The following DMXL1 variants were observed in gnomAD, a reference collection of about 807,000 sequenced individuals.
The protein encoded by DMXL1 is Dmx like 1, also known as dmX-like protein 1.
DMXL1 carries 99 observed loss-of-function variants against 319.2 expected under a neutral mutation model. The ratio of observed to expected loss-of-function variants is 0.31; its 90% CI spans 0.26 to 0.37. The LOEUF (loss-of-function observed/expected upper bound fraction) is 0.37, where lower values mean the gene tolerates loss of function less well. Among genes scored for constraint, DMXL1 ranks in the 10% least tolerant of loss-of-function variants. DMXL1 has a pLI of 1.00. For missense variants in DMXL1, 3,745 were observed against 3,595.6 expected (o/e 1.04, Z -1.06); for synonymous variants, 1,385 against 1,235.2 (o/e 1.12, Z -2.54).
intron 26 of DMXL1, among the ~76,000 whole-genome samples, chr5:119,176,300 C>A (rs542710454): frequency 3.9e-4 from 60 of 151,942 alleles, no homozygotes; most frequent in African/African-American, 1.4e-3. Context: ...TTTGTTATTT[C>A]TTACATGGTG....
intron 19 of DMXL1, among the ~76,000 whole-genome samples, chr5:119,153,133 C>T (rs901261023): frequency 1.1e-4 from 16 of 152,018 alleles, no homozygotes; most frequent in African/African-American, 3.1e-4. Context: ...CACACCACCA[C>T]GCCTGGCTAA....
intron 34 of DMXL1, among the ~76,000 whole-genome samples, chr5:119,215,065 G>A (rs904000349): frequency 3.3e-5 from 5 of 152,170 alleles, no homozygotes; most frequent in East Asian, 3.8e-4. Context: ...CATCATTAAC[G>A]GATGATCGGC....
chr5:119,235,164 A>G (rs1000035757), intron 39 of DMXL1, among the ~76,000 whole-genome samples: 1 of 152,200 alleles, frequency 6.6e-6, no homozygotes, highest in African/African-American at 2.4e-5. Context: ...TGGATATTCA[A>G]TTATGAATAG....
At chr5:119,148,635 T>A in intron 17 of DMXL1, 104 bp from the exon 18 acceptor site, 1 of 1,119,222 alleles carries the variant, frequency 8.9e-7, no homozygotes, top group Non-Finnish European at 1.3e-6. Flanking sequence ...TTGATTTTGT[T>A]CATATTTATA....
intron 4 of DMXL1, among the ~76,000 whole-genome samples, chr5:119,108,084 G>A (rs556016384): frequency 2.0e-5 from 3 of 152,206 alleles, no homozygotes; most frequent in Non-Finnish European, 4.4e-5. Flanking sequence ...AAACGAGGGC[G>A]AAGCATGCTG....
intron 34 of DMXL1, among the ~76,000 whole-genome samples, chr5:119,214,147 G>A (rs1445410914): frequency 1.3e-5 from 2 of 151,974 alleles, no homozygotes; most frequent in African/African-American, 4.8e-5. Context: ...TGCCTGCTCC[G>A]AACCTACTCC....
At position 119,129,228 on chromosome 5, in the gene DMXL1, T is replaced by C; in HGVS notation, c.1120T>C (p.Ser374Pro). 1 of 1,609,840 alleles carries C rather than the reference T, an allele frequency of 6.2e-7. No individual in the cohort carries two copies. Among genetic ancestry groups the C allele is most frequent in the Non-Finnish European group, 8.5e-7 (1 of 1,177,746 alleles). ...NPATDIPLLP[S>P]ITSLSLNENE... Reference sequence around the variant, plus strand: ...TCTTATAGACATTCCACTTCTTCCATCTATTACATCTCTGAGTCTAAATGA... The same window carrying C: ...TCTTATAGACATTCCACTTCTTCCACCTATTACATCTCTGAGTCTAAATGA... The change falls in exon 10 of 44, where the codon TCT (serine) becomes CCT (proline). Residue 374 changes from serine (S) to proline (P), a missense_variant. Ser to Pro is a moderately conservative substitution (Grantham distance 74). Coordinates refer to ENST00000539542, the MANE Select transcript of DMXL1 (RefSeq NM_001290321.3).
intron 1 of DMXL1, among the ~76,000 whole-genome samples, chr5:119,071,993 A>G (rs1749703846): frequency 6.6e-6 from 1 of 152,114 alleles, no homozygotes; most frequent in Non-Finnish European, 1.5e-5. Context: ...ACCATTCTAT[A>G]GGTTCAAATT....
At chr5:119,226,060 A>G (rs767351932) in intron 38 of DMXL1, among the ~76,000 whole-genome samples, 2 of 152,128 alleles carry the variant, frequency 1.3e-5, no homozygotes, top group African/African-American at 4.8e-5. Flanking sequence ...TGGCAGGTGT[A>G]AATATCCTAT....
Position 119,103,922 on chromosome 5 carries a change from CT to C in DMXL1, c.286-1257del, listed in dbSNP as rs200286060. ...TAATTGATGAATGTAATGTATAAAACTCAAAAAGAGGCTGGTTTATTGGCTT... is the reference window on the plus strand; with the variant it reads ...TAATTGATGAATGTAATGTATAAAACCAAAAAGAGGCTGGTTTATTGGCTT... On this transcript the variant is annotated intron_variant, in intron 3 of 43. Coordinates refer to ENST00000539542, the MANE Select transcript of DMXL1 (RefSeq NM_001290321.3). Among the ~76,000 whole-genome samples the C allele has an allele frequency of 5.7e-3, 862 of 152,148 alleles. 8 individuals are homozygous for C. The highest frequency in any genetic ancestry group is 0.02 in the African/African-American group (819 of 41,516).
In DMXL1 at chr5:119,155,002, T is replaced by G. The variant is rs147233811; in HGVS notation, c.4702+2966T>G. Among the ~76,000 whole-genome samples, 692 of 152,378 alleles carry G rather than the reference T, an allele frequency of 4.5e-3. 1 individual carries two copies. Among genetic ancestry groups the G allele is most frequent in the Non-Finnish European group, 7.5e-3 (510 of 68,032 alleles). On this transcript the variant is annotated intron_variant, in intron 19 of 43. Transcript: ENST00000539542. ...TAGCAAAGCCCAATGGCAGCACCTCTGTTTATAGCATAATTTACTGAATAT... is the reference window on the plus strand; with the variant it reads ...TAGCAAAGCCCAATGGCAGCACCTCGGTTTATAGCATAATTTACTGAATAT...
At position 119,071,264 on chromosome 5, in the gene DMXL1, C is replaced by T. The variant is rs1356208938; in HGVS notation, c.-306C>T. 5.3e-6 allele frequency: 2 copies of T among 374,220 alleles called. No homozygotes were observed. The highest frequency in any genetic ancestry group is 7.1e-5 in the East Asian group (1 of 14,018). 23.2% of individuals were successfully genotyped at this position (374,220 alleles called of 1,614,324 possible). On this transcript the variant is annotated 5_prime_UTR_variant, in exon 1 of 44. Coordinates refer to ENST00000539542, the MANE Select transcript of DMXL1 (RefSeq NM_001290321.3). ...AGCGCGGCCTTCCTGGCCGGTGAGT[C>T]GGCCCCGGGTCGTGGCCGGTGAGGG... is the stretch of plus-strand genomic sequence containing the variant.
Position 119,148,882 on chromosome 5 carries a change from C to G in DMXL1, c.3055C>G (p.Leu1019Val), listed in dbSNP as rs1424484321. The change falls in exon 18 of 44, where the codon CTT becomes GTT. Residue 1019 changes from leucine (L) to valine (V), a missense_variant. Transcript: ENST00000539542. ...CACGTCAAAGAATGGAAAAATTGAT[C>G]TTGCATACATTTGGGAAGAATGGCC... is the stretch of plus-strand genomic sequence containing the variant. ...SATSKNGKID[L>V]AYIWEEWPLL... The G allele has an allele frequency of 1.9e-6, 3 of 1,613,694 alleles. No individual in the cohort carries two copies. In the African/African-American group the frequency reaches 4.0e-5, roughly 22 times the overall value.
intron 2 of DMXL1, among the ~76,000 whole-genome samples, chr5:119,099,612 A>G (rs1217825336): frequency 6.6e-6 from 1 of 152,142 alleles, no homozygotes; most frequent in Non-Finnish European, 1.5e-5. Flanking sequence ...TACCATCTGG[A>G]CTCACATGGA....
intron 37 of DMXL1, among the ~76,000 whole-genome samples, chr5:119,223,058 T>TG (rs200463886): frequency 0.033 from 1,051 of 31,956 alleles, 15 homozygotes; most frequent in African/African-American, 0.082. Context: ...CTTAGTTGTG[T>TG]TTTTTTTTTT....
At chr5:119,209,977 AT>A (rs1277430050) in intron 34 of DMXL1, among the ~76,000 whole-genome samples, 6 of 151,722 alleles carry the variant, frequency 4.0e-5, no homozygotes, top group African/African-American at 4.8e-5. Flanking sequence ...CATTTTATTT[AT>A]TTATTTTTTA....
At chr5:119,142,517 T>TAAAAAAAAA (rs148846123) in intron 13 of DMXL1, among the ~76,000 whole-genome samples, 2 of 62,310 alleles carry the variant, frequency 3.2e-5, no homozygotes. Flanking sequence ...TATTAAAAAG[T>TAAAAAAAAA]AAAAAAAAAA....
chr5:119,110,061 T>A (rs1759234952), intron 4 of DMXL1, 90 bp from the exon 5 acceptor site: 15 of 1,255,268 alleles, frequency 1.2e-5, no homozygotes, highest in Non-Finnish European at 1.6e-5. Flanking sequence ...GACTTTTTTT[T>A]AGAAGTTGTT....
At chr5:119,118,028 G>C (rs1314394271) in intron 7 of DMXL1, among the ~76,000 whole-genome samples, 1 of 152,188 alleles carries the variant, frequency 6.6e-6, no homozygotes, top group Non-Finnish European at 1.5e-5. Context: ...CCTGATGGAA[G>C]GTAGTCCTTG....
Sources: allele counts gnomAD v4.1 joint callset (sites outside exome capture counted in the v4.1 genomes callset), GRCh38; gene constraint gnomAD v4.1.1; transcripts MANE v1.5; gene names NCBI Gene and HGNC (gene_info 2026-07-23, HGNC 2026-07-21).